CNTN1: variants seen among roughly 807,000 people sequenced by gnomAD.
The protein encoded by CNTN1 is contactin-1.
In CNTN1, 38 loss-of-function variants were observed where a neutral mutation model predicts 126.4. That is an observed-to-expected ratio of 0.30 (90% CI 0.23 to 0.39). The LOEUF (loss-of-function observed/expected upper bound fraction) is 0.39. Ranked by LOEUF, CNTN1 falls within the 10% of genes least tolerant of loss-of-function variation. The pLI, the probability that CNTN1 is intolerant of heterozygous loss-of-function variation, is 1.00. For missense variants in CNTN1, 1,009 were observed against 1,248.4 expected (o/e 0.81, Z 2.89); for synonymous variants, 413 against 422.6 (o/e 0.98, Z 0.28).
intron 23 of CNTN1, among the ~76,000 whole-genome samples, chr12:41,044,004 TG>T (rs1222572878): frequency 2.1e-5 from 1 of 47,338 alleles, no homozygotes; most frequent in South Asian, 8.8e-4. Flanking sequence ...TGTTGTGGGG[TG>T]GGGGGAGGGG....
At chr12:40,938,070 G>A (rs1387053762) in intron 11 of CNTN1, among the ~76,000 whole-genome samples, 10 of 152,142 alleles carry the variant, frequency 6.6e-5, no homozygotes, top group Non-Finnish European at 1.5e-4. Context: ...CCCAGATGAA[G>A]ATATGCTTAG....
At chr12:40,899,398 G>T (rs560296585) in intron 1 of CNTN1, among the ~76,000 whole-genome samples, 1 of 152,268 alleles carries the variant, frequency 6.6e-6, no homozygotes, top group East Asian at 1.9e-4. Context: ...CTAGTTATTA[G>T]TCAAAGCAAT....
intron 1 of CNTN1, among the ~76,000 whole-genome samples, chr12:40,800,196 G>T (rs752115116): frequency 3.3e-5 from 5 of 151,816 alleles, no homozygotes; most frequent in Admixed American, 6.6e-5. Context: ...GACATCTGAT[G>T]GTTTTATAAG....
chr12:40,908,354 C>T lies in CNTN1; in HGVS notation c.-76-3C>T. ...CTTCTTCTTCTTTTCTTTCTTGATG[C>T]AGGTGTTTAAAATTATCCAACTGCC... On this transcript the variant is annotated splice_region_variant and splice_polypyrimidine_tract_variant and intron_variant, in intron 1 of 23. Coordinates refer to ENST00000551295, the MANE Select transcript of CNTN1 (RefSeq NM_001843.4). The T allele has an allele frequency of 1.0e-6, 1 of 963,650 alleles. No individual in the cohort carries two copies. The highest frequency in any genetic ancestry group is 1.7e-6 in the Non-Finnish European group (1 of 598,032). The allele number at this position is 963,650 out of a possible 1,614,324, so 59.7% of individuals were successfully genotyped here.
At chr12:40,756,594 G>A (rs1292657828) in intron 1 of CNTN1, among the ~76,000 whole-genome samples, 1 of 152,130 alleles carries the variant, frequency 6.6e-6, no homozygotes, top group Non-Finnish European at 1.5e-5. Context: ...AAGGCCATGA[G>A]TTTCAAAGCT....
chr12:40,938,791 T>C (rs1565992397), intron 11 of CNTN1, among the ~76,000 whole-genome samples: 1 of 152,210 alleles, frequency 6.6e-6, no homozygotes, highest in Non-Finnish European at 1.5e-5. Context: ...TATTTATTTA[T>C]TGAGACAGGG....
intron 20 of CNTN1, among the ~76,000 whole-genome samples, chr12:41,022,318 T>C (rs762657861): frequency 2.0e-5 from 3 of 152,226 alleles, no homozygotes; most frequent in Admixed American, 6.5e-5. Context: ...GGGAAAAGTA[T>C]GTACCATGAG....
At chr12:40,998,970 C>A (rs1220733559) in intron 17 of CNTN1, among the ~76,000 whole-genome samples, 1 of 152,068 alleles carries the variant, frequency 6.6e-6, no homozygotes, top group African/African-American at 2.4e-5. Flanking sequence ...TCTTCATATA[C>A]TTTATAATTT....
Position 40,937,582 on chromosome 12 carries a change from G to A in CNTN1, c.1123G>A (p.Glu375Lys), listed in dbSNP as rs1565989724. The change falls in exon 11 of 24, where the codon GAA (glutamate) becomes AAA (lysine). Residue 375 changes from glutamate (E) to lysine (K), a missense_variant. Physicochemically the swap from Glu to Lys is moderately conservative, Grantham distance 56. Coordinates refer to ENST00000551295, the MANE Select transcript of CNTN1 (RefSeq NM_001843.4). ...TTATTCTTTTCAGTATCATAAAGGG[G>A]AATTAAGACTGTATGATGTGACTTT... is the stretch of plus-strand genomic sequence containing the variant. ...LKNGYAYHKG[E>K]LRLYDVTFEN... The A allele has an allele frequency of 3.1e-6, 5 of 1,592,880 alleles. No individual in the cohort carries two copies. The highest frequency in any genetic ancestry group is 2.2e-5 in the East Asian group (1 of 44,718).
intron 1 of CNTN1, among the ~76,000 whole-genome samples, chr12:40,766,901 T>G (rs909068772): frequency 1.2e-4 from 19 of 152,110 alleles, no homozygotes; most frequent in African/African-American, 4.6e-4. Context: ...ACAGAGCAGA[T>G]GTGAGCCTGT....
chr12:41,038,342 TTCATTTTC>T (rs1949316774), intron 23 of CNTN1, among the ~76,000 whole-genome samples: 1 of 152,110 alleles, frequency 6.6e-6, no homozygotes, highest in Non-Finnish European at 1.5e-5. Flanking sequence ...GGTGGCTTTG[TTCATTTTC>T]TCAATTTTGG....
At chr12:40,982,930 C>G (rs926818573) in intron 16 of CNTN1, among the ~76,000 whole-genome samples, 1 of 88,980 alleles carries the variant, frequency 1.1e-5, no homozygotes, top group East Asian at 3.1e-4. Flanking sequence ...CATCACACAC[C>G]GGGGCCTGTC....
rs1950135276 is a variant in CNTN1, at chr12:41,070,316, C to T, written c.*281C>T. 1.3e-5 allele frequency: 6 copies of T among 472,220 alleles called. No homozygotes were observed. Among genetic ancestry groups the T allele is most frequent in the Non-Finnish European group, 2.3e-5 (6 of 257,126 alleles). 29.3% of individuals were successfully genotyped at this position (472,220 alleles called of 1,614,324 possible). ...ATTCTGTGACAGTTGCATGATTTAA[C>T]CCAATGGGACAAGTTACAGTGTTCA... On this transcript the variant is annotated 3_prime_UTR_variant, in exon 24 of 24. Coordinates refer to ENST00000551295, the MANE Select transcript of CNTN1 (RefSeq NM_001843.4).
chr12:40,708,602 A>G (rs993076656), intron 1 of CNTN1, among the ~76,000 whole-genome samples: 1 of 152,208 alleles, frequency 6.6e-6, no homozygotes, highest in Admixed American at 6.5e-5. Context: ...CATCTGTAGC[A>G]TGCAATTCTG....
chr12:40,767,436 G>A (rs1939149571), intron 1 of CNTN1, among the ~76,000 whole-genome samples: 1 of 143,950 alleles, frequency 6.9e-6, no homozygotes, highest in Non-Finnish European at 1.5e-5. Flanking sequence ...AGCCTCCCGA[G>A]TAGCTGGGAC....
chr12:40,773,633 G>GTGTATATATATATA (rs1555155525), intron 1 of CNTN1, among the ~76,000 whole-genome samples: 8 of 46,638 alleles, frequency 1.7e-4, no homozygotes, highest in South Asian at 6.9e-4. Context: ...ACCAGAAACT[G>GTGTATATATATATA]TATATATATA....
At chr12:40,938,647 T>A (rs1946161805) in intron 11 of CNTN1, among the ~76,000 whole-genome samples, 1 of 152,234 alleles carries the variant, frequency 6.6e-6, no homozygotes, top group South Asian at 2.1e-4. Context: ...TAGGACCATA[T>A]GTCAGTGTGT....
chr12:40,725,677 A>T (rs1306577536), intron 1 of CNTN1, among the ~76,000 whole-genome samples: 1 of 152,094 alleles, frequency 6.6e-6, no homozygotes, highest in African/African-American at 2.4e-5. Flanking sequence ...AACACAGTTG[A>T]CCTAATCACG....
In CNTN1 at chr12:40,908,407, T is replaced by C; in HGVS notation, c.-26T>C. ...AGAGCTAAATTCTTTTTTGGAAAAT[T>C]GAACCGAACTTCTACTGAATACAAG... On this transcript the variant is annotated 5_prime_UTR_variant, in exon 2 of 24. Transcript: ENST00000551295. The C allele has an allele frequency of 1.2e-6, 2 of 1,608,836 alleles. No homozygotes were observed.
Sources: allele counts gnomAD v4.1 joint callset (sites outside exome capture counted in the v4.1 genomes callset), GRCh38; gene constraint gnomAD v4.1.1; transcripts MANE v1.5; gene names NCBI Gene and HGNC (gene_info 2026-07-23, HGNC 2026-07-21).